Variants in PLXNA1 observed in about 807,000 individuals in gnomAD.
The protein encoded by PLXNA1 is plexin-A1.
A neutral mutation model predicts 191.7 loss-of-function variants in PLXNA1; 77 were observed. That is an observed-to-expected ratio of 0.40 (90% CI 0.33 to 0.49). The LOEUF is 0.49. Ranked by LOEUF, PLXNA1 falls within the 20% of genes least tolerant of loss-of-function variation. PLXNA1 has a pLI of 0.63. For missense variants in PLXNA1, 2,110 were observed against 2,660.2 expected (o/e 0.79, Z 4.55); for synonymous variants, 1,137 against 1,156.4 (o/e 0.98, Z 0.34).
At chr3:127,004,447 C>G (rs2079055606) in intron 4 of PLXNA1, among the ~76,000 whole-genome samples, 164 bp from the exon 5 acceptor site, 1 of 152,202 alleles carries the variant, frequency 6.6e-6, no homozygotes, top group Admixed American at 6.5e-5. Context: ...ACCTGTGCGA[C>G]CTGGCTTGGC....
At position 127,034,810 on chromosome 3, in the gene PLXNA1, G is replaced by A. The variant is rs45473193; in HGVS notation, c.*793G>A. 11,137 of 152,734 alleles carry A rather than the reference G, an allele frequency of 0.073. 426 individuals carry two copies. The highest frequency in any genetic ancestry group is 0.099 in the African/African-American group (4,105 of 41,550). 9.5% of individuals were successfully genotyped at this position (152,734 alleles called of 1,614,324 possible). A position where few individuals can be genotyped will look rare whatever the true frequency, so the allele number is the denominator to read the frequency against. ...GCCACTGGGCCAGGGGCCCCGGGTCGCAGAGAGCACGTTCCCGTTATTTAT... is the reference window on the plus strand; with the variant it reads ...GCCACTGGGCCAGGGGCCCCGGGTCACAGAGAGCACGTTCCCGTTATTTAT... On this transcript the variant is annotated 3_prime_UTR_variant, in exon 32 of 32. Transcript: ENST00000393409.
rs564497912 is a variant in PLXNA1 at position 127,032,739 on chromosome 3, C to T, written c.5498C>T (p.Ala1833Val). Residue 1833 changes from alanine (A) to valine (V), a missense_variant, in exon 31 of 32, where the codon GCG becomes GTG. By Grantham distance (64) the Ala-to-Val change is moderately conservative. Around this residue, in one of 4 missense-constraint regions of PLXNA1, gnomAD observed 559 missense variants for 911.5 expected, o/e 0.61. Coordinates refer to ENST00000393409, the MANE Select transcript of PLXNA1 (RefSeq NM_032242.4). ...GCCATCAGCGACCAGGACATGAGTG[C>T]GTATCTGGCTGAGCAGTCCCGCCTG... ...MPAISDQDMSAYLAEQSRLHL... is the reference protein window; with the variant it reads ...MPAISDQDMSVYLAEQSRLHL... 11 of 1,613,414 alleles carry T rather than the reference C, an allele frequency of 6.8e-6. No individual in the cohort carries two copies. Among genetic ancestry groups the T allele is most frequent in the East Asian group, 2.2e-5 (1 of 44,882 alleles).
chr3:127,020,788 G>A (rs923049659), intron 21 of PLXNA1, among the ~76,000 whole-genome samples: 5 of 152,160 alleles, frequency 3.3e-5, no homozygotes, highest in African/African-American at 7.2e-5. Flanking sequence ...CTCTGGATGC[G>A]AAGCCTCGCT....
chr3:127,012,511 T>G (rs574876360), intron 10 of PLXNA1, among the ~76,000 whole-genome samples: 1 of 152,368 alleles, frequency 6.6e-6, no homozygotes, highest in South Asian at 2.1e-4. Context: ...TCATCAGGTC[T>G]GAGTGTGTGC....
rs768583240 is a variant in PLXNA1 at position 127,014,849 on chromosome 3, C to T, written c.2877+18C>T. On this transcript the variant is annotated intron_variant, in intron 14 of 31. Transcript: ENST00000393409. ...CCTTCGTGGTGAGTCTGCTGCCCTC[C>T]CTCTCTCCCTATTCTCTGCTGCTCT... The T allele has an allele frequency of 6.2e-6, 10 of 1,608,586 alleles. 1 individual carries two copies. The South Asian group carries it at 9.9e-5, about 16-fold the overall frequency.
chr3:127,012,621 C>A (rs2079101593), intron 10 of PLXNA1, among the ~76,000 whole-genome samples: 1 of 152,256 alleles, frequency 6.6e-6, no homozygotes, highest in South Asian at 2.1e-4. Context: ...TGGCCAAATG[C>A]AGAAAACACT....
chr3:127,029,770 C>A, intron 27 of PLXNA1, 104 bp from the exon 28 acceptor site: 1 of 1,364,848 alleles, frequency 7.3e-7, no homozygotes, highest in Non-Finnish European at 9.8e-7. Flanking sequence ...CCCAAAATCC[C>A]ACATGGGTGG....
chr3:127,018,238 T>C, intron 19 of PLXNA1, 56 bp from the exon 20 acceptor site: 2 of 1,468,076 alleles, frequency 1.4e-6, no homozygotes, highest in Non-Finnish European at 9.2e-7. Context: ...CGGGAGGGGC[T>C]CCCAAGCTTT....
At chr3:127,020,365 G>C in intron 21 of PLXNA1, 21 bp downstream of exon 21, 1 of 1,610,138 alleles carries the variant, frequency 6.2e-7, no homozygotes, top group Non-Finnish European at 8.5e-7. Flanking sequence ...TGGCTCCGGG[G>C]GGTCACAGGA....
Position 127,032,693 on chromosome 3 carries a change from G to A in PLXNA1, c.5452G>A (p.Ala1818Thr). 1 of 1,613,284 alleles carries A rather than the reference G, an allele frequency of 6.2e-7. No homozygotes were observed. Among genetic ancestry groups the A allele is most frequent in the Non-Finnish European group, 8.5e-7 (1 of 1,180,002 alleles). The change falls in exon 31 of 32, where the codon GCA becomes ACA. Residue 1818 changes from alanine (A) to threonine (T), a missense_variant. Ala to Thr is a moderately conservative substitution (Grantham distance 58). Coordinates refer to ENST00000393409, the MANE Select transcript of PLXNA1 (RefSeq NM_032242.4). ...NYKSWVERYY[A>T]DIAKMPAISD... The stretch of plus-strand genomic sequence containing the variant: ...CTGGCCACTCACCTGCAGGTACTAT[G>A]CAGACATCGCCAAGATGCCAGCCAT...
At chr3:126,987,176 G>A (rs1179655502) in intron 1 of PLXNA1, among the ~76,000 whole-genome samples, 1 of 152,246 alleles carries the variant, frequency 6.6e-6, no homozygotes, top group Non-Finnish European at 1.5e-5. Context: ...TTTTGCAAAT[G>A]GGGAAACTGA....
At chr3:127,018,585 C>T in intron 20 of PLXNA1, 57 bp downstream of exon 20, 2 of 1,374,428 alleles carry the variant, frequency 1.5e-6, no homozygotes, top group Non-Finnish European at 2.0e-6. Flanking sequence ...AGGCCCTGGC[C>T]TGTCCCCACA....
intron 4 of PLXNA1, among the ~76,000 whole-genome samples, chr3:127,003,773 G>A (rs570143540): frequency 1.3e-5 from 2 of 152,324 alleles, no homozygotes; most frequent in East Asian, 3.9e-4. Flanking sequence ...AGAAACAGAT[G>A]TATGAAGGAG....
rs1303221152 is a variant in PLXNA1, at chr3:127,028,243, C to T, written c.4572C>T (p.Asp1524=). 2 of 1,612,994 alleles carry T rather than the reference C, an allele frequency of 1.2e-6. No individual in the cohort carries two copies. The highest frequency in any genetic ancestry group is 8.5e-7 in the Non-Finnish European group (1 of 1,179,996). The change falls in exon 25 of 32, where the codon GAC becomes GAT. Residue 1524 remains aspartate, a synonymous_variant. Transcript: ENST00000393409. ...NAPEVPVKGL[D]CDTVTQAKEK... ...CTGAGGTGCCGGTGAAGGGGCTGGA[C>T]TGTGACACGGTCACCCAGGCCAAGG...
chr3:127,030,619 C>T (rs2079204620), intron 29 of PLXNA1, among the ~76,000 whole-genome samples: 1 of 152,242 alleles, frequency 6.6e-6, no homozygotes, highest in African/African-American at 2.4e-5. Flanking sequence ...CCCTCTGCTC[C>T]AGCCGCTGAG....
intron 3 of PLXNA1, among the ~76,000 whole-genome samples, chr3:126,992,435 G>A (rs993191979): frequency 1.4e-4 from 22 of 152,126 alleles, no homozygotes; most frequent in African/African-American, 5.3e-4. Flanking sequence ...GGGCTGGGCC[G>A]GGGGCTGGCC....
At chr3:127,027,603 A>T in intron 23 of PLXNA1, 1 of 473,598 alleles carries the variant, frequency 2.1e-6, no homozygotes, top group Non-Finnish European at 4.2e-6. Context: ...TGCTGAGACC[A>T]GGGGAGACTT....
chr3:126,991,452 T>C lies in PLXNA1; in HGVS notation c.1263T>C (p.Ile421=), dbSNP rs777800818. 14 of 1,612,740 alleles carry C rather than the reference T, an allele frequency of 8.7e-6. No individual in the cohort carries two copies. In the African/African-American group the frequency reaches 1.6e-4, roughly 18 times the overall value. The stretch of plus-strand genomic sequence containing the variant: ...AGCCCCTGGGGGGCACAGTCACCAT[T>C]GAGGGGACGCCCCTGTTCGTGGACA... ...FNQPLGGTVT[I]EGTPLFVDKD... The change falls in exon 3 of 32, where the codon ATT becomes ATC. Residue 421 remains isoleucine, a synonymous_variant. Coordinates refer to ENST00000393409, the MANE Select transcript of PLXNA1 (RefSeq NM_032242.4).
rs375612245 is a variant in PLXNA1 at position 127,003,860 on chromosome 3, G to A, written c.1518+390G>A. ...ACTGAGTCCTCAGGCCTAGGGCTGG[G>A]TCTCTGTCCAGTGGGTCTGCCCACA... On this transcript the variant is annotated intron_variant, in intron 4 of 31. Coordinates refer to ENST00000393409, the MANE Select transcript of PLXNA1 (RefSeq NM_032242.4). 2.0e-4 allele frequency among the ~76,000 whole-genome samples: 30 copies of A among 152,346 alleles called. No homozygotes were observed. The East Asian group carries it at 4.6e-3, about 24-fold the overall frequency.
Sources: allele counts gnomAD v4.1 joint callset (sites outside exome capture counted in the v4.1 genomes callset), GRCh38; gene constraint gnomAD v4.1.1; regional missense constraint gnomAD v4.1.1; transcripts MANE v1.5; gene names NCBI Gene and HGNC (gene_info 2026-07-23, HGNC 2026-07-21).